Variants in YPEL2 observed in about 807,000 individuals in gnomAD.
YPEL2 encodes yippee like 2, also known as protein yippee-like 2.
A neutral mutation model predicts 19.1 loss-of-function variants in YPEL2; 2 were observed. The observed-to-expected ratio is 0.10, with a 90% CI of 0.04 to 0.33. YPEL2 has a LOEUF of 0.33. Among genes scored for constraint, YPEL2 ranks in the 10% least tolerant of loss-of-function variants. The pLI, the probability that YPEL2 is intolerant of heterozygous loss-of-function variation, is 1.00. For missense variants in YPEL2, 66 were observed against 140.7 expected (o/e 0.47, Z 2.68); for synonymous variants, 52 against 50.0 (o/e 1.04, Z -0.17).
intron 1 of YPEL2, among the ~76,000 whole-genome samples, chr17:59,339,318 CTT>C (rs1163220302): frequency 6.6e-6 from 1 of 152,310 alleles, no homozygotes; most frequent in East Asian, 1.9e-4. Context: ...TCGCGGGGCT[CTT>C]TTTTTCTGTT....
intron 2 of YPEL2, among the ~76,000 whole-genome samples, chr17:59,364,931 C>A (rs372678364): frequency 6.6e-6 from 1 of 152,160 alleles, no homozygotes; most frequent in Non-Finnish European, 1.5e-5. Flanking sequence ...TGCGCCCATC[C>A]GCCTTTGCGT....
intron 2 of YPEL2, among the ~76,000 whole-genome samples, chr17:59,376,968 A>C (rs893992276): frequency 4.7e-5 from 7 of 150,462 alleles, no homozygotes; most frequent in Admixed American, 6.6e-5. Flanking sequence ...AAAAAAAAAA[A>C]AAAAAAACAA....
chr17:59,345,985 C>T (rs1198233942), intron 1 of YPEL2, among the ~76,000 whole-genome samples: 3 of 152,166 alleles, frequency 2.0e-5, no homozygotes, highest in Non-Finnish European at 2.9e-5. Context: ...CACTCTTAAC[C>T]GCTGGGCAAC....
At chr17:59,374,481 A>G (rs2047910884) in intron 2 of YPEL2, among the ~76,000 whole-genome samples, 1 of 152,200 alleles carries the variant, frequency 6.6e-6, no homozygotes, top group Admixed American at 6.5e-5. Context: ...AGGTGGATAT[A>G]TGCTAATGGC....
In YPEL2 at chr17:59,397,551, CG is replaced by C; in HGVS notation, c.*366del. 1 of 177,430 alleles carries C rather than the reference CG, an allele frequency of 5.6e-6. No individual in the cohort carries two copies. Among genetic ancestry groups the C allele is most frequent in the Non-Finnish European group, 1.2e-5 (1 of 85,062 alleles). 11.0% of individuals were successfully genotyped at this position (177,430 alleles called of 1,614,324 possible). On this transcript the variant is annotated 3_prime_UTR_variant, in exon 5 of 5. Coordinates refer to ENST00000312655, the MANE Select transcript of YPEL2 (RefSeq NM_001005404.4). Reference sequence around the variant, plus strand: ...GCCTCTTGTCAGGAGAGCAGTGGCACGGGGGCGTGAGGAAGAGGGAAAGGGG... The same window carrying C: ...GCCTCTTGTCAGGAGAGCAGTGGCACGGGGCGTGAGGAAGAGGGAAAGGGG...
intron 1 of YPEL2, among the ~76,000 whole-genome samples, chr17:59,337,643 A>AG (rs1320667129): frequency 2.0e-5 from 3 of 152,212 alleles, no homozygotes; most frequent in African/African-American, 7.2e-5. Flanking sequence ...GCTACCAGGA[A>AG]GTACAGAGTG....
At chr17:59,362,596 T>C (rs1332527356) in intron 2 of YPEL2, 1 of 152,230 alleles carries the variant, frequency 6.6e-6, no homozygotes, top group Non-Finnish European at 1.5e-5. Context: ...CGATGAGGCG[T>C]ACCCTGAAAA....
At chr17:59,372,654 T>A (rs2047902451) in intron 2 of YPEL2, among the ~76,000 whole-genome samples, 1 of 152,180 alleles carries the variant, frequency 6.6e-6, no homozygotes, top group African/African-American at 2.4e-5. Context: ...GTGATAAGAA[T>A]GCCCTGTGTT....
intron 2 of YPEL2, among the ~76,000 whole-genome samples, chr17:59,370,741 C>T (rs547465231): frequency 1.2e-5 from 1 of 85,424 alleles, no homozygotes; most frequent in South Asian, 3.9e-4. Flanking sequence ...CCCATCGAGC[C>T]ATGGCACACA....
intron 4 of YPEL2, among the ~76,000 whole-genome samples, chr17:59,394,314 CG>C (rs1352228808): frequency 9.1e-5 from 13 of 142,296 alleles, no homozygotes; most frequent in Non-Finnish European, 1.7e-4. Flanking sequence ...CGGGCAGAGA[CG>C]GCTCCTCACT....
intron 2 of YPEL2, chr17:59,356,111 A>C (rs1184906840): frequency 6.6e-6 from 1 of 152,094 alleles, no homozygotes; most frequent in Admixed American, 6.5e-5. Flanking sequence ...TCTTCCATTT[A>C]AGAAAGTTCA....
intron 1 of YPEL2, among the ~76,000 whole-genome samples, chr17:59,341,504 C>T (rs953342816): frequency 2.0e-5 from 3 of 149,484 alleles, no homozygotes; most frequent in East Asian, 4.0e-4. Flanking sequence ...ACTAAAAATA[C>T]AAAAATTAGC....
rs1365930865 is a variant in YPEL2, at chr17:59,400,896, C to CA, written c.*3707dup. ...TTCTGAGTGGACCAACAGCAGAACC[C>CA]ACGAGGATTTGTTTTGAGTATGGAG... On this transcript the variant is annotated 3_prime_UTR_variant, in exon 5 of 5. Coordinates refer to ENST00000312655, the MANE Select transcript of YPEL2 (RefSeq NM_001005404.4). The CA allele has an allele frequency of 1.3e-5, 2 of 152,596 alleles. No homozygotes were observed. The highest frequency in any genetic ancestry group is 2.9e-5 in the Non-Finnish European group (2 of 68,028). 9.5% of individuals were successfully genotyped at this position (152,596 alleles called of 1,614,324 possible).
intron 1 of YPEL2, among the ~76,000 whole-genome samples, chr17:59,334,380 T>C (rs1369231118): frequency 7.2e-6 from 1 of 138,520 alleles, no homozygotes; most frequent in Non-Finnish European, 1.6e-5. Context: ...GGCAGGTGAC[T>C]CTTTTTATTT....
chr17:59,384,357 C>G (rs2047969869), intron 2 of YPEL2, among the ~76,000 whole-genome samples: 1 of 152,198 alleles, frequency 6.6e-6, no homozygotes, highest in Admixed American at 6.5e-5. Flanking sequence ...GCATAGGTTT[C>G]AGGTACTTTA....
intron 3 of YPEL2, 93 bp downstream of exon 3, chr17:59,388,463 C>A (rs1246654868): frequency 1.6e-6 from 2 of 1,258,946 alleles, no homozygotes; most frequent in Non-Finnish European, 2.3e-6. Context: ...ATGAACCCTG[C>A]CCTGTCTGCC....
chr17:59,354,791 T>C (rs1425118318), intron 2 of YPEL2: 1 of 152,270 alleles, frequency 6.6e-6, no homozygotes, highest in Non-Finnish European at 1.5e-5. Context: ...TTCCTCTCCT[T>C]TATGCTGCTT....
chr17:59,397,348 C>A lies in YPEL2; in HGVS notation c.*158C>A. ...CTGACGCCATCTTTCTGGTGACCGG[C>A]CTCTAAATCGCTGTCTCTCTGTCTC... On this transcript the variant is annotated 3_prime_UTR_variant, in exon 5 of 5. Transcript: ENST00000312655. The A allele has an allele frequency of 2.1e-6, 1 of 470,194 alleles. No individual in the cohort carries two copies. Among genetic ancestry groups the A allele is most frequent in the Admixed American group, 4.1e-5 (1 of 24,368 alleles). The allele number at this position is 470,194 out of a possible 1,614,324, so 29.1% of individuals were successfully genotyped here. A position where few individuals can be genotyped will look rare whatever the true frequency, so the allele number is the denominator to read the frequency against.
intron 2 of YPEL2, 76 bp from the exon 3 acceptor site, chr17:59,388,251 C>T: frequency 2.1e-6 from 3 of 1,434,732 alleles, no homozygotes; most frequent in Non-Finnish European, 3.0e-6. Context: ...TCATGCTTAA[C>T]TGTGATTGGG....
Sources: gnomAD v4.1 joint callset for allele counts (sites outside exome capture counted in the v4.1 genomes callset) on GRCh38, gnomAD v4.1.1 for gene constraint, MANE v1.5 for transcripts, NCBI Gene and HGNC (gene_info 2026-07-23, HGNC 2026-07-21) for gene names.